KDM2B: variants seen among roughly 807,000 people sequenced by gnomAD.
The protein encoded by KDM2B is lysine demethylase 2B.
Under a neutral mutation model 150.0 loss-of-function variants are expected in KDM2B, and 26 were observed. The observed-to-expected ratio is 0.17, with a 90% CI of 0.13 to 0.24. KDM2B has a LOEUF of 0.24. Ranked by LOEUF, KDM2B falls within the 10% of genes least tolerant of loss-of-function variation. The probability of loss-of-function intolerance (pLI) is 1.00; values close to 1 mark genes in which losing one functional copy is unlikely to be tolerated. For missense variants in KDM2B, 1,265 were observed against 1,816.9 expected, an observed-to-expected ratio of 0.70 and a Z score of 5.52; for synonymous variants, 734 against 729.5, an observed-to-expected ratio of 1.01 and a Z score of -0.10.
At chr12:121,450,957 A>C (rs1250767568) in intron 13 of KDM2B, among the ~76,000 whole-genome samples, 1 of 152,204 alleles carries the variant, frequency 6.6e-6, no homozygotes, top group Non-Finnish European at 1.5e-5. Flanking sequence ...GGTTCCTCAA[A>C]AAGTTAAAAA....
In KDM2B at chr12:121,442,914, C is replaced by A. The variant is rs1367636956; in HGVS notation, c.2604+78G>T. On this transcript the variant is annotated intron_variant, in intron 18 of 22. Coordinates refer to ENST00000377071, the MANE Select transcript of KDM2B (RefSeq NM_032590.5). This position sits in a 1 kb window ranked among gnomAD's most constrained non-coding sequence, Gnocchi z 7.7. The stretch of plus-strand genomic sequence containing the variant: ...CCCAAGGCCTCCCGCCCCCCTGCCA[C>A]GGGACTGTGGCCCAGGGAGCTGCGG... 8.9e-6 allele frequency: 14 copies of A among 1,578,000 alleles called. No individual in the cohort carries two copies. The highest frequency in any genetic ancestry group is 1.4e-5 in the African/African-American group (1 of 73,576).
intron 12 of KDM2B, among the ~76,000 whole-genome samples, chr12:121,463,271 G>A (rs1555294082): frequency 6.6e-6 from 1 of 151,682 alleles, no homozygotes; most frequent in African/African-American, 2.4e-5. Flanking sequence ...AGCTGAGATC[G>A]CGTCACTGCA....
Position 121,430,489 on chromosome 12 carries a change from A to C in KDM2B, c.3830-20T>G. 1 of 1,598,766 alleles carries C rather than the reference A, an allele frequency of 6.3e-7. No individual in the cohort carries two copies. The highest frequency in any genetic ancestry group is 8.6e-7 in the Non-Finnish European group (1 of 1,166,054). On this transcript the variant is annotated intron_variant, in intron 22 of 22. Coordinates refer to ENST00000377071, the MANE Select transcript of KDM2B (RefSeq NM_032590.5). This position sits in a 1 kb window ranked among gnomAD's most constrained non-coding sequence, Gnocchi z 4.4. ...TGCAGTCTGCAGAGAAGAAATAGTA[A>C]TGTGAGGTGTGAAGGCCAGGAGCCA...
rs1555303661 is a variant in KDM2B, at chr12:121,509,944, C to T, written c.1270G>A (p.Glu424Lys). 12 of 1,607,826 alleles carry T rather than the reference C, an allele frequency of 7.5e-6. No homozygotes were observed. In the East Asian group the frequency reaches 1.1e-4, roughly 15 times the overall value. The change falls in exon 11 of 23, where the codon GAG (glutamate) becomes AAG (lysine). Residue 424 changes from glutamate (E) to lysine (K), a missense_variant. Physicochemically the swap from Glu to Lys is moderately conservative, Grantham distance 56 (BLOSUM62 1). Coordinates refer to ENST00000377071, the MANE Select transcript of KDM2B (RefSeq NM_032590.5). ...CTGCCCTCGCCCTCCTCGTCCTTCT[C>T]CTCCTCCTCCTGAGGCTGCTGATCA... ...ACDQQPQEEE[E>K]KDEEGEGRDR...
intron 12 of KDM2B, among the ~76,000 whole-genome samples, chr12:121,490,985 G>A (rs1467417196): frequency 2.6e-5 from 4 of 152,126 alleles, no homozygotes; most frequent in African/African-American, 9.7e-5. Flanking sequence ...ACCCCAACCT[G>A]CATCCAATGG....
At position 121,438,984 on chromosome 12, in the gene KDM2B, C is replaced by G. The variant is rs1282245880; in HGVS notation, c.3829+873G>C. ...CAGCATTGCTCTGTGTACCTCGCTGCATACTGGAGCCCCAAGTCCTTCAGA... is the reference window on the plus strand; with the variant it reads ...CAGCATTGCTCTGTGTACCTCGCTGGATACTGGAGCCCCAAGTCCTTCAGA... On this transcript the variant is annotated intron_variant, in intron 22 of 22. Coordinates refer to ENST00000377071, the MANE Select transcript of KDM2B (RefSeq NM_032590.5). Among the ~76,000 whole-genome samples, 3 of 152,322 alleles carry G rather than the reference C, an allele frequency of 2.0e-5. No homozygotes were observed. The East Asian group carries it at 5.8e-4, about 29-fold the overall frequency.
intron 4 of KDM2B, among the ~76,000 whole-genome samples, chr12:121,568,866 T>TAAA (rs56132369): frequency 0.027 from 3,799 of 139,890 alleles, 90 homozygotes; most frequent in Non-Finnish European, 0.045. Flanking sequence ...GCTTTTTTGT[T>TAAA]AAAAAAAAAA....
chr12:121,489,483 A>T (rs1322208337), intron 12 of KDM2B, among the ~76,000 whole-genome samples: 1 of 152,074 alleles, frequency 6.6e-6, no homozygotes, highest in African/African-American at 2.4e-5. Context: ...TCTGTCACCC[A>T]GGCTGGAGTA....
At chr12:121,440,563 C>T (rs1456206743) in intron 21 of KDM2B, 9 of 490,118 alleles carry the variant, frequency 1.8e-5, no homozygotes, top group South Asian at 1.1e-4. Context: ...GTGAGACACA[C>T]GCAGAGCCCC....
intron 11 of KDM2B, among the ~76,000 whole-genome samples, chr12:121,501,620 T>G (rs2140551898): frequency 6.6e-6 from 1 of 152,050 alleles, no homozygotes; most frequent in East Asian, 1.9e-4. Context: ...TGTTGTTGTT[T>G]TTTGTTTGTT....
At chr12:121,497,869 G>A (rs1404267555) in intron 11 of KDM2B, among the ~76,000 whole-genome samples, 4 of 151,872 alleles carry the variant, frequency 2.6e-5, no homozygotes, top group Non-Finnish European at 4.4e-5. Flanking sequence ...AGGCCAAGGC[G>A]GGTGGATCAC....
At chr12:121,506,884 C>T (rs572370831) in intron 11 of KDM2B, among the ~76,000 whole-genome samples, 330 of 151,734 alleles carry the variant, frequency 2.2e-3, no homozygotes, top group Non-Finnish European at 4.1e-3. Context: ...TGTAGTGAGC[C>T]GAGATTGTGC....
intron 9 of KDM2B, chr12:121,516,283 A>G (rs1443482089): frequency 1.9e-5 from 6 of 321,802 alleles, no homozygotes; most frequent in East Asian, 9.6e-5. Context: ...AAATTAGGGG[A>G]AAAAAATTGA....
the KDM2B span, among the ~76,000 whole-genome samples, chr12:121,411,868 T>G: frequency 6.6e-6 from 1 of 152,224 alleles, no homozygotes; most frequent in East Asian, 1.9e-4. Flanking sequence ...GCTAAACTTG[T>G]AAAACTGCAC....
chr12:121,441,311 C>T, intron 19 of KDM2B, 78 bp from the exon 20 acceptor site: 1 of 1,380,240 alleles, frequency 7.2e-7, no homozygotes. Flanking sequence ...CTTAACTGTC[C>T]CCACCTAACA....
At chr12:121,415,842 T>G in the KDM2B span, among the ~76,000 whole-genome samples, 1 of 140,056 alleles carries the variant, frequency 7.1e-6, no homozygotes, top group African/African-American at 2.5e-5. Context: ...TGTCCAGTCT[T>G]TTTTTTTTTT....
At position 121,449,754 on chromosome 12, in the gene KDM2B, A is replaced by G. The variant is rs1421585718; in HGVS notation, c.1959+3366T>C. On this transcript the variant is annotated intron_variant, in intron 13 of 22. Transcript: ENST00000377071. Reference sequence around the variant, plus strand: ...GGGTCACATGGACCCAGTCTCCAAAAAATGCACATCCATGCATGCACATAG... The same window carrying G: ...GGGTCACATGGACCCAGTCTCCAAAGAATGCACATCCATGCATGCACATAG... Among the ~76,000 whole-genome samples, 21 of 152,198 alleles carry G rather than the reference A, an allele frequency of 1.4e-4. No homozygotes were observed. The South Asian group carries it at 1.9e-3, about 14-fold the overall frequency.
intron 14 of KDM2B, 189 bp downstream of exon 14, chr12:121,445,086 A>G: frequency 1.6e-6 from 1 of 608,478 alleles, no homozygotes; most frequent in South Asian, 2.1e-5. Context: ...TCCTTTGATG[A>G]CACTGGGTCT....
chr12:121,471,218 GAC>G (rs1331091722), intron 12 of KDM2B, among the ~76,000 whole-genome samples: 1 of 151,926 alleles, frequency 6.6e-6, no homozygotes, highest in Non-Finnish European at 1.5e-5. Context: ...ATCTTCTAGC[GAC>G]CCTAAAAACT....
Sources: gnomAD v4.1 joint callset for allele counts (sites outside exome capture counted in the v4.1 genomes callset) on GRCh38, gnomAD v4.1.1 for gene constraint, Gnocchi (gnomAD v3.1) non-coding constraint, MANE v1.5 for transcripts, NCBI Gene and HGNC (gene_info 2026-07-23, HGNC 2026-07-21) for gene names.